ADGRF1: variants seen among roughly 807,000 people sequenced by gnomAD.
The protein encoded by ADGRF1 is G protein-coupled receptor 110.
ADGRF1 carries 85 observed loss-of-function variants against 87.2 expected under a neutral mutation model. That is an observed-to-expected ratio of 0.97 (90% CI 0.82 to 1.17). The LOEUF (loss-of-function observed/expected upper bound fraction) is 1.17, where lower values mean the gene tolerates loss of function less well. ADGRF1 is among the 50% of genes most tolerant of loss of function. ADGRF1 has a pLI of 0.00. For missense variants in ADGRF1, 1,169 were observed against 1,077.2 expected (o/e 1.09, Z -1.19); for synonymous variants, 430 against 408.8 (o/e 1.05, Z -0.63).
At chr6:47,040,230 C>G (rs943696174) in intron 1 of ADGRF1, among the ~76,000 whole-genome samples, 1 of 151,916 alleles carries the variant, frequency 6.6e-6, no homozygotes. Flanking sequence ...TTTGGGAGGC[C>G]GAGACAGGAG....
chr6:47,009,283 T>C lies in ADGRF1; in HGVS notation c.2152A>G (p.Ile718Val). The C allele has an allele frequency of 6.2e-7, 1 of 1,614,068 alleles. No individual in the cohort carries two copies. Among genetic ancestry groups the C allele is most frequent in the East Asian group, 2.2e-5 (1 of 44,880 alleles). The change falls in exon 11 of 15, where the codon ATT becomes GTT. Residue 718 changes from isoleucine (I) to valine (V), a missense_variant. Physicochemically the swap from Ile to Val is conservative, Grantham distance 29 (BLOSUM62 3). Transcript: ENST00000371253. ...GTATTGCTAGGTTGCGTGACAGCAA[T>C]GGTAATGACAGATATAATGAGAGGG... is the stretch of plus-strand genomic sequence containing the variant. ...GCPLIISVITIAVTQPSNTYK... is the reference protein window; with the variant it reads ...GCPLIISVITVAVTQPSNTYK...
rs548123844 is a variant in ADGRF1 at position 47,010,149 on chromosome 6, A to C, written c.1286T>G (p.Ile429Ser). 7.4e-6 allele frequency: 12 copies of C among 1,614,166 alleles called. No individual in the cohort carries two copies. The South Asian group carries it at 1.3e-4, about 18-fold the overall frequency. The change falls in exon 11 of 15, where the codon ATT becomes AGT. Residue 429 changes from isoleucine (I) to serine (S), a missense_variant. Physicochemically the swap from Ile to Ser is moderately radical, Grantham distance 142. Coordinates refer to ENST00000371253, the MANE Select transcript of ADGRF1 (RefSeq NM_153840.4). ...ALPLNFSRKFIDWKGIPVNKS... is the reference protein window; with the variant it reads ...ALPLNFSRKFSDWKGIPVNKS... ...GTTCACTGGAATCCCTTTCCAGTCAATGAATTTCCGAGAAAAATTCAGAGG... is the reference window on the plus strand; with the variant it reads ...GTTCACTGGAATCCCTTTCCAGTCACTGAATTTCCGAGAAAAATTCAGAGG...
Position 47,024,160 on chromosome 6 carries a change from A to G in ADGRF1, c.335T>C (p.Phe112Ser). Residue 112 changes from phenylalanine (F) to serine (S), a missense_variant, in exon 5 of 15, where the codon TTT (phenylalanine) becomes TCT (serine). By Grantham distance (155) the Phe-to-Ser change is radical. Coordinates refer to ENST00000371253, the MANE Select transcript of ADGRF1 (RefSeq NM_153840.4). ...QCTCEDSYTW[F>S]PPSCLDPQNC... Reference sequence around the variant, plus strand: ...CTGGGGATCAAGGCATGAGGGAGGAAACCAGGTGTAGCTGTCTTCACAGGT... The same window carrying G: ...CTGGGGATCAAGGCATGAGGGAGGAGACCAGGTGTAGCTGTCTTCACAGGT... 1 of 1,614,074 alleles carries G rather than the reference A, an allele frequency of 6.2e-7. No homozygotes were observed. Among genetic ancestry groups the G allele is most frequent in the African/African-American group, 1.3e-5 (1 of 75,058 alleles).
chr6:47,034,869 C>A (rs1036185512), intron 1 of ADGRF1, among the ~76,000 whole-genome samples: 1 of 152,212 alleles, frequency 6.6e-6, no homozygotes, highest in African/African-American at 2.4e-5. Flanking sequence ...GTTTCCTTTG[C>A]CACTCATTAG....
chr6:47,016,741 T>C lies in ADGRF1; in HGVS notation c.639A>G (p.Glu213=), dbSNP rs774468911. 2.5e-6 allele frequency: 4 copies of C among 1,594,134 alleles called. No homozygotes were observed. The highest frequency in any genetic ancestry group is 1.1e-5 in the South Asian group (1 of 89,006). Residue 213 remains glutamate (E), a synonymous_variant, in exon 8 of 15, where the codon GAA becomes GAG. Coordinates refer to ENST00000371253, the MANE Select transcript of ADGRF1 (RefSeq NM_153840.4). ...FRNGSIVAGY[E]VVGSSSASEL... ...CAGATGCACTGCTGGAGCCAACAAC[T>C]TCATACCCAGCAACGATGCTTCCAT...
chr6:47,025,245 C>A (rs377713798), intron 4 of ADGRF1, among the ~76,000 whole-genome samples: 29 of 152,158 alleles, frequency 1.9e-4, no homozygotes, highest in African/African-American at 6.7e-4. Context: ...AGCTTTATTG[C>A]GACACAGAAT....
chr6:47,008,931 G>T lies in ADGRF1; in HGVS notation c.2490+14C>A. On this transcript the variant is annotated intron_variant, in intron 11 of 14. Transcript: ENST00000371253. ...TCACTTGACAATACAATAGGTTATT[G>T]TTACTGTTCTCACCTGGAATGCATT... 6.4e-7 allele frequency: 1 copy of T among 1,564,058 alleles called. No homozygotes were observed. Among genetic ancestry groups the T allele is most frequent in the Non-Finnish European group, 8.7e-7 (1 of 1,152,098 alleles).
chr6:47,000,880 T>A (rs111573944), intron 14 of ADGRF1, among the ~76,000 whole-genome samples: 19 of 150,698 alleles, frequency 1.3e-4, no homozygotes, highest in African/African-American at 4.7e-4. Context: ...CTCCTCCACT[T>A]CCATGTTCCA....
chr6:47,035,769 A>G (rs975429607), intron 1 of ADGRF1, among the ~76,000 whole-genome samples: 4 of 152,214 alleles, frequency 2.6e-5, no homozygotes, highest in Non-Finnish European at 5.9e-5. Flanking sequence ...TTTCTCAGAA[A>G]AAGGAAGAAC....
At chr6:47,028,911 T>TAG in intron 2 of ADGRF1, 82 bp downstream of exon 2, 1 of 1,063,982 alleles carries the variant, frequency 9.4e-7, no homozygotes. Context: ...TGCAGTCCCC[T>TAG]AGAGAGTGAG....
chr6:47,037,783 GATTTCA>G (rs1780631555), intron 1 of ADGRF1, among the ~76,000 whole-genome samples: 1 of 152,154 alleles, frequency 6.6e-6, no homozygotes, highest in Admixed American at 6.5e-5. Context: ...AAAGTGCTGA[GATTTCA>G]GGTATGAGCC....
rs1474895319 is a variant in ADGRF1 at position 47,021,993 on chromosome 6, T to C, written c.517A>G (p.Ile173Val). Residue 173 changes from isoleucine (I) to valine (V), a missense_variant, in exon 6 of 15, where the codon ATA (isoleucine) becomes GTA (valine). Coordinates refer to ENST00000371253, the MANE Select transcript of ADGRF1 (RefSeq NM_153840.4). ...TNDLLNSSSA[I>V]YSKYANGIEI... ...ATTCCATTTGCATATTTGGAGTATA[T>C]AGCAGAAGATGAATTCAAAAGGTCA... 6.3e-7 allele frequency: 1 copy of C among 1,592,742 alleles called. No homozygotes were observed. The highest frequency in any genetic ancestry group is 8.5e-7 in the Non-Finnish European group (1 of 1,170,054).
chr6:47,008,470 A>G (rs1306327968), intron 11 of ADGRF1, among the ~76,000 whole-genome samples: 1 of 152,226 alleles, frequency 6.6e-6, no homozygotes, highest in Non-Finnish European at 1.5e-5. Flanking sequence ...GCAGCCATAG[A>G]CCATATGTAC....
intron 6 of ADGRF1, 52 bp from the exon 7 acceptor site, chr6:47,020,841 A>G (rs1362808092): frequency 4.0e-6 from 6 of 1,504,292 alleles, no homozygotes; most frequent in Non-Finnish European, 5.5e-6. Context: ...CGTACTTCAG[A>G]AAGACATTTG....
At chr6:47,016,954 A>ATATATGATACATATT (rs1170398832) in intron 7 of ADGRF1, 186 bp from the exon 8 acceptor site, 1 of 474,266 alleles carries the variant, frequency 2.1e-6, no homozygotes, top group East Asian at 6.4e-5. Context: ...TATATGATAT[A>ATATATGATACATATT]TATATATGTA....
At chr6:47,022,107 A>T (rs1561875057) in intron 5 of ADGRF1, 49 bp from the exon 6 acceptor site, 4 of 1,000,722 alleles carry the variant, frequency 4.0e-6, no homozygotes, top group Admixed American at 2.4e-5. Context: ...TTCTAACTTG[A>T]TTTACTAGTA....
At chr6:47,037,140 A>G (rs1002668588) in intron 1 of ADGRF1, among the ~76,000 whole-genome samples, 1 of 152,206 alleles carries the variant, frequency 6.6e-6, no homozygotes, top group South Asian at 2.1e-4. Flanking sequence ...TCATCACTCT[A>G]TCCACAGTAT....
chr6:47,005,566 C>T (rs1427800042), intron 13 of ADGRF1, among the ~76,000 whole-genome samples: 2 of 152,158 alleles, frequency 1.3e-5, no homozygotes, highest in African/African-American at 4.8e-5. Flanking sequence ...CTCACAAGCA[C>T]CCACAGACTT....
At chr6:47,007,317 C>A (rs1329477948) in intron 11 of ADGRF1, 23 bp from the exon 12 acceptor site, 3 of 1,386,864 alleles carry the variant, frequency 2.2e-6, no homozygotes, top group Non-Finnish European at 2.0e-6. Context: ...AGGAATAAAT[C>A]ACATGTATTG....
Sources: allele counts gnomAD v4.1 joint callset (sites outside exome capture counted in the v4.1 genomes callset), GRCh38; gene constraint gnomAD v4.1.1; transcripts MANE v1.5; gene names NCBI Gene and HGNC (gene_info 2026-07-23, HGNC 2026-07-21).